Variants in AGTR1 observed in about 807,000 individuals in gnomAD.
The protein encoded by AGTR1 is type-1 angiotensin II receptor.
A neutral mutation model predicts 19.4 loss-of-function variants in AGTR1; 16 were observed. The observed-to-expected ratio is 0.82, with a 90% CI of 0.56 to 1.25. The LOEUF (loss-of-function observed/expected upper bound fraction) is 1.25, where lower values mean the gene tolerates loss of function less well. Among genes scored for constraint, AGTR1 ranks in the 50% most tolerant of loss-of-function variants. The pLI, the probability that AGTR1 is intolerant of heterozygous loss-of-function variation, is 0.00. For missense variants in AGTR1, 373 were observed against 431.9 expected, an observed-to-expected ratio of 0.86 and a Z score of 1.21; for synonymous variants, 153 against 154.9, an observed-to-expected ratio of 0.99 and a Z score of 0.09.
intron 2 of AGTR1, among the ~76,000 whole-genome samples, chr3:148,714,440 C>T (rs1169289178): frequency 2.0e-5 from 3 of 152,012 alleles, no homozygotes; most frequent in Non-Finnish European, 2.9e-5. Flanking sequence ...TTCCTTGAGG[C>T]AGCAATGTGC....
In AGTR1 at chr3:148,711,977, C is replaced by T. The variant is rs12721205; in HGVS notation, c.-48+3950C>T. 3.1e-3 allele frequency among the ~76,000 whole-genome samples: 466 copies of T among 152,048 alleles called. 6 individuals carry two copies. The highest frequency in any genetic ancestry group is 0.011 in the African/African-American group (458 of 41,474). The stretch of plus-strand genomic sequence containing the variant: ...ACATTGCCTAGGTTGCTCATGAACC[C>T]CCAGCCTCAAGTGATCCTCCTGCCT... On this transcript the variant is annotated intron_variant, in intron 2 of 2. Coordinates refer to ENST00000349243, the MANE Select transcript of AGTR1 (RefSeq NM_000685.5).
chr3:148,704,516 A>G (rs1442620086), intron 1 of AGTR1, among the ~76,000 whole-genome samples: 3 of 152,218 alleles, frequency 2.0e-5, no homozygotes, highest in African/African-American at 7.2e-5. Context: ...ACATACACAT[A>G]GACTGTTCAG....
At position 148,741,532 on chromosome 3, in the gene AGTR1, A is replaced by G; in HGVS notation, c.497A>G (p.His166Arg). ...AGLASLPAII[H>R]RNVFFIENTN... ...TTGGCCAGTTTGCCAGCTATAATCC[A>G]TCGAAATGTATTTTTCATTGAGAAC... Residue 166 changes from histidine (H) to arginine (R), a missense_variant, in exon 3 of 3, where the codon CAT (histidine) becomes CGT (arginine). Coordinates refer to ENST00000349243, the MANE Select transcript of AGTR1 (RefSeq NM_000685.5). 2 of 1,614,120 alleles carry G rather than the reference A, an allele frequency of 1.2e-6. No homozygotes were observed. The highest frequency in any genetic ancestry group is 8.5e-7 in the Non-Finnish European group (1 of 1,179,988).
intron 1 of AGTR1, among the ~76,000 whole-genome samples, chr3:148,702,476 C>A (rs1576521994): frequency 6.6e-6 from 1 of 152,148 alleles, no homozygotes; most frequent in Non-Finnish European, 1.5e-5. Context: ...CCTGAGGATA[C>A]AAGCCAAAGT....
rs12695880 is a variant in AGTR1 at position 148,712,507 on chromosome 3, G to C, written c.-48+4480G>C. Among the ~76,000 whole-genome samples the C allele has an allele frequency of 6.3e-3, 959 of 152,226 alleles. 14 individuals carry two copies. The highest frequency in any genetic ancestry group is 0.022 in the African/African-American group (928 of 41,544). On this transcript the variant is annotated intron_variant, in intron 2 of 2. Coordinates refer to ENST00000349243, the MANE Select transcript of AGTR1 (RefSeq NM_000685.5). ...AGCCACTGTAGATGAAACCAGTCAG[G>C]GGGTAAGAGCTGTCTTTTGATCTAG...
chr3:148,714,245 C>T (rs4681440), intron 2 of AGTR1, among the ~76,000 whole-genome samples: 43,971 of 151,938 alleles, frequency 0.29, 9,431 homozygotes, highest in African/African-American at 0.61. Flanking sequence ...CATTCCAGTG[C>T]ATAAAGATGA....
At chr3:148,717,445 C>T (rs552245297) in intron 2 of AGTR1, among the ~76,000 whole-genome samples, 1 of 152,260 alleles carries the variant, frequency 6.6e-6, no homozygotes, top group Non-Finnish European at 1.5e-5. Context: ...CCATTTTTCT[C>T]CCAGAAATAA....
At position 148,716,232 on chromosome 3, in the gene AGTR1, A is replaced by G. The variant is rs559907878; in HGVS notation, c.-48+8205A>G. The stretch of plus-strand genomic sequence containing the variant: ...TCCCTTTCCTAGTCTACCCTATCCC[A>G]CAACGGAACCATACTTCTCTCATGG... On this transcript the variant is annotated intron_variant, in intron 2 of 2. Coordinates refer to ENST00000349243, the MANE Select transcript of AGTR1 (RefSeq NM_000685.5). This position sits in a 1 kb window ranked among gnomAD's most constrained non-coding sequence, Gnocchi z 4.7. Among the ~76,000 whole-genome samples the G allele has an allele frequency of 6.6e-6, 1 of 152,138 alleles. No individual in the cohort carries two copies. The highest frequency in any genetic ancestry group is 1.5e-5 in the Non-Finnish European group (1 of 68,022).
chr3:148,735,487 G>A (rs1175627200), intron 2 of AGTR1, among the ~76,000 whole-genome samples: 1 of 152,108 alleles, frequency 6.6e-6, no homozygotes, highest in African/African-American at 2.4e-5. Context: ...TCAAGAAACA[G>A]TGTCCACAAG....
chr3:148,705,513 A>T (rs1712620079), intron 1 of AGTR1, among the ~76,000 whole-genome samples: 1 of 152,088 alleles, frequency 6.6e-6, no homozygotes, highest in Admixed American at 6.6e-5. Flanking sequence ...TTACACAGTT[A>T]ATTGCTGCCA....
chr3:148,705,734 A>T (rs1252704991), intron 1 of AGTR1, among the ~76,000 whole-genome samples: 2 of 151,194 alleles, frequency 1.3e-5, no homozygotes, highest in East Asian at 3.9e-4. Context: ...TAATTTATAT[A>T]TTTTAAAATA....
At chr3:148,702,505 G>T (rs12695872) in intron 1 of AGTR1, among the ~76,000 whole-genome samples, 2 of 152,124 alleles carry the variant, frequency 1.3e-5, no homozygotes, top group African/African-American at 4.8e-5. Flanking sequence ...GGTCTTTGCC[G>T]TAGAGAGATA....
In AGTR1 at chr3:148,730,731, C is replaced by A. The variant is rs142951075; in HGVS notation, c.-47-10258C>A. On this transcript the variant is annotated intron_variant, in intron 2 of 2. Transcript: ENST00000349243. The stretch of plus-strand genomic sequence containing the variant: ...GCTCATTAAAAACAGCTTGCCGAAC[C>A]CCACCCACAGAGTTTCTGATTCAGT... 2.2e-3 allele frequency among the ~76,000 whole-genome samples: 337 copies of A among 152,272 alleles called. 1 individual carries two copies. The highest frequency in any genetic ancestry group is 7.8e-3 in the African/African-American group (323 of 41,544).
chr3:148,742,253 A>C lies in AGTR1; in HGVS notation c.*138A>C. 2.5e-6 allele frequency: 3 copies of C among 1,221,864 alleles called. No homozygotes were observed. The highest frequency in any genetic ancestry group is 3.6e-6 in the Non-Finnish European group (3 of 823,822). The allele number at this position is 1,221,864 out of a possible 1,614,324, so 75.7% of individuals were successfully genotyped here. A position where few individuals can be genotyped will look rare whatever the true frequency, so the allele number is the denominator to read the frequency against. On this transcript the variant is annotated 3_prime_UTR_variant, in exon 3 of 3. Transcript: ENST00000349243. Reference sequence around the variant, plus strand: ...AAAATGCATTATGTGGACTGAACCGACTTTTCTAAAGCTCTGAACAAAAGC... The same window carrying C: ...AAAATGCATTATGTGGACTGAACCGCCTTTTCTAAAGCTCTGAACAAAAGC...
chr3:148,739,584 T>G (rs756866991), intron 2 of AGTR1, among the ~76,000 whole-genome samples: 3 of 152,126 alleles, frequency 2.0e-5, no homozygotes, highest in Non-Finnish European at 4.4e-5. Context: ...GGAGAACAAC[T>G]TTACTTACTC....
At chr3:148,738,850 C>T (rs1328291233) in intron 2 of AGTR1, among the ~76,000 whole-genome samples, 1 of 152,238 alleles carries the variant, frequency 6.6e-6, no homozygotes, top group Non-Finnish European at 1.5e-5. Flanking sequence ...TCTCGATACA[C>T]TATATTCATG....
At chr3:148,732,514 CAA>C (rs1368743032) in intron 2 of AGTR1, among the ~76,000 whole-genome samples, 1 of 151,996 alleles carries the variant, frequency 6.6e-6, no homozygotes, top group Non-Finnish European at 1.5e-5. Flanking sequence ...TGTTTCAATA[CAA>C]AGAGTTCTTG....
intron 2 of AGTR1, among the ~76,000 whole-genome samples, chr3:148,729,016 G>GA (rs1714107234): frequency 6.6e-6 from 1 of 151,888 alleles, no homozygotes; most frequent in African/African-American, 2.4e-5. Flanking sequence ...TTGAGAACAA[G>GA]AGCCTCAGCT....
chr3:148,731,582 C>T (rs953571954), intron 2 of AGTR1: 1 of 152,096 alleles, frequency 6.6e-6, no homozygotes, highest in African/African-American at 2.4e-5. Context: ...GCTTTTATGT[C>T]TTCCAAAGAA....
Sources: allele counts gnomAD v4.1 joint callset (sites outside exome capture counted in the v4.1 genomes callset), GRCh38; gene constraint gnomAD v4.1.1; non-coding constraint Gnocchi (gnomAD v3.1); transcripts MANE v1.5; gene names NCBI Gene and HGNC (gene_info 2026-07-23, HGNC 2026-07-21).